The following SLC22A11 variants were observed in gnomAD, a reference collection of about 807,000 sequenced individuals.
The protein encoded by SLC22A11 is organic anion transporter 4.
Under a neutral mutation model 49.4 loss-of-function variants are expected in SLC22A11, and 42 were observed. The observed-to-expected ratio is 0.85, with a 90% CI of 0.66 to 1.10. SLC22A11 has a LOEUF of 1.10. SLC22A11 is among the 50% of genes least tolerant of loss of function. SLC22A11 has a pLI of 0.00. For missense variants in SLC22A11, 685 were observed against 731.6 expected, an observed-to-expected ratio of 0.94 and a Z score of 0.74; for synonymous variants, 304 against 315.8, an observed-to-expected ratio of 0.96 and a Z score of 0.40.
At position 64,564,717 on chromosome 11, in the gene SLC22A11, C is replaced by T. The variant is rs1326364144; in HGVS notation, c.942+289C>T. On this transcript the variant is annotated intron_variant, in intron 5 of 9. Coordinates refer to ENST00000301891, the MANE Select transcript of SLC22A11 (RefSeq NM_018484.4). This position sits in a 1 kb window ranked among gnomAD's most constrained non-coding sequence, Gnocchi z 4.2. ...GCACCACCAATACCATCACTAACCCCACAGCCACCATCTCTGCAAAACATC... is the reference window on the plus strand; with the variant it reads ...GCACCACCAATACCATCACTAACCCTACAGCCACCATCTCTGCAAAACATC... Among the ~76,000 whole-genome samples, 1 of 152,116 alleles carries T rather than the reference C, an allele frequency of 6.6e-6. No homozygotes were observed. Among genetic ancestry groups the T allele is most frequent in the African/African-American group, 2.4e-5 (1 of 41,418 alleles).
rs2038590958 is a variant in SLC22A11 at position 64,564,225 on chromosome 11, G to T, written c.822-83G>T. 1 of 1,549,080 alleles carries T rather than the reference G, an allele frequency of 6.5e-7. No individual in the cohort carries two copies. The highest frequency in any genetic ancestry group is 1.8e-5 in the Admixed American group (1 of 56,288). On this transcript the variant is annotated intron_variant, in intron 4 of 9. Coordinates refer to ENST00000301891, the MANE Select transcript of SLC22A11 (RefSeq NM_018484.4). The surrounding 1 kb of genome is among the most constrained non-coding windows in gnomAD (Gnocchi z 4.2). ...TCCTCATCACTCATCTCAGCTGGAG[G>T]GTCCGTGCCCACTGCCCCTTTCCAC...
Position 64,568,790 on chromosome 11 carries a change from T to G in SLC22A11, c.1382+12T>G. ...CCAACGCCAGTGCGGTAAGCTGGGC[T>G]GCAGGCCATGCCCCAGGGCCAGCAG... On this transcript the variant is annotated intron_variant, in intron 8 of 9. Coordinates refer to ENST00000301891, the MANE Select transcript of SLC22A11 (RefSeq NM_018484.4). The G allele has an allele frequency of 6.2e-7, 1 of 1,609,820 alleles. No individual in the cohort carries two copies. Among genetic ancestry groups the G allele is most frequent in the African/African-American group, 1.3e-5 (1 of 74,962 alleles).
In SLC22A11 at chr11:64,559,193, C is replaced by T; in HGVS notation, c.452C>T (p.Ser151Phe). Residue 151 changes from serine to phenylalanine, a missense_variant, in exon 2 of 10, where the codon TCC becomes TTC. Coordinates refer to ENST00000301891, the MANE Select transcript of SLC22A11 (RefSeq NM_018484.4). ...CCCCTAAGCCAGTCCATCTTCATGT[C>T]CGGGATCCTGGTGGGCTCCTTTATC... is the stretch of plus-strand genomic sequence containing the variant. ...LKPLSQSIFM[S>F]GILVGSFIWG... 1.2e-6 allele frequency: 2 copies of T among 1,612,424 alleles called. No individual in the cohort carries two copies. Among genetic ancestry groups the T allele is most frequent in the Non-Finnish European group, 1.7e-6 (2 of 1,178,926 alleles).
intron 1 of SLC22A11, among the ~76,000 whole-genome samples, chr11:64,557,122 G>A (rs1199734748): frequency 6.6e-6 from 1 of 152,154 alleles, no homozygotes; most frequent in African/African-American, 2.4e-5. Flanking sequence ...GCCACCCCTC[G>A]CCCTGCACCG....
chr11:64,569,646 C>G lies in SLC22A11; in HGVS notation c.1383-6C>G, dbSNP rs368432874. The stretch of plus-strand genomic sequence containing the variant: ...CAGGGATCTGGGCCCTCCCCTTCAC[C>G]CACAGGATGACAGCAGATGGCATTC... On this transcript the variant is annotated splice_polypyrimidine_tract_variant and splice_region_variant and intron_variant, in intron 8 of 9. Coordinates refer to ENST00000301891, the MANE Select transcript of SLC22A11 (RefSeq NM_018484.4). 3.3e-5 allele frequency: 54 copies of G among 1,612,016 alleles called. No homozygotes were observed. Among genetic ancestry groups the G allele is most frequent in the Non-Finnish European group, 4.2e-5 (49 of 1,178,720 alleles).
At chr11:64,569,230 G>A (rs753490739) in intron 8 of SLC22A11, among the ~76,000 whole-genome samples, 6 of 152,214 alleles carry the variant, frequency 3.9e-5, no homozygotes, top group Non-Finnish European at 5.9e-5. Context: ...GGCTCGGGGT[G>A]AAGGACTGGC....
chr11:64,567,797 C>T lies in SLC22A11; in HGVS notation c.1257C>T (p.Asn419=), dbSNP rs2038648869. The T allele has an allele frequency of 1.2e-6, 2 of 1,600,398 alleles. No individual in the cohort carries two copies. The highest frequency in any genetic ancestry group is 2.3e-5 in the East Asian group (1 of 44,372). The stretch of plus-strand genomic sequence containing the variant: ...TGGCCGGCCTCGCCATTCTAGCCAA[C>T]ATGCTGGTGCCGCAAGGTGAGGCAG... ...QAMAGLAILA[N]MLVPQDLQTL... is the part of the protein sequence containing the mutation. Residue 419 remains asparagine (N), a synonymous_variant, in exon 7 of 10, where the codon AAC becomes AAT. Coordinates refer to ENST00000301891, the MANE Select transcript of SLC22A11 (RefSeq NM_018484.4).
chr11:64,565,425 G>A lies in SLC22A11; in HGVS notation c.1058+88G>A, dbSNP rs267603101. ...CAGGCAGGAGGCAGAGCGTCCAGGG[G>A]AAACAGCACCCGCAGGCCTCAAGGG... On this transcript the variant is annotated intron_variant, in intron 6 of 9. Coordinates refer to ENST00000301891, the MANE Select transcript of SLC22A11 (RefSeq NM_018484.4). The surrounding 1 kb of genome is among the most constrained non-coding windows in gnomAD (Gnocchi z 4.1). 2 of 1,110,414 alleles carry A rather than the reference G, an allele frequency of 1.8e-6. No individual in the cohort carries two copies. The highest frequency in any genetic ancestry group is 1.3e-6 in the Non-Finnish European group (1 of 758,824). 68.8% of individuals were successfully genotyped at this position (1,110,414 alleles called of 1,614,324 possible).
Position 64,565,476 on chromosome 11 carries a change from G to A in SLC22A11, c.1058+139G>A, listed in dbSNP as rs1273205516. 1.1e-5 allele frequency: 8 copies of A among 727,194 alleles called. 1 individual carries two copies. Among genetic ancestry groups the A allele is most frequent in the South Asian group, 4.4e-5 (3 of 67,486 alleles). The allele number at this position is 727,194 out of a possible 1,614,324, so 45.0% of individuals were successfully genotyped here. A position where few individuals can be genotyped will look rare whatever the true frequency, so the allele number is the denominator to read the frequency against. Reference sequence around the variant, plus strand: ...GGTGCATTTCTGTCTGGGACAGGACGCAGACAGCCCCAGCAGGCAGGAGTC... The same window carrying A: ...GGTGCATTTCTGTCTGGGACAGGACACAGACAGCCCCAGCAGGCAGGAGTC... On this transcript the variant is annotated intron_variant, in intron 6 of 9. Coordinates refer to ENST00000301891, the MANE Select transcript of SLC22A11 (RefSeq NM_018484.4). The surrounding 1 kb of genome is among the most constrained non-coding windows in gnomAD (Gnocchi z 4.1).
intron 1 of SLC22A11, among the ~76,000 whole-genome samples, chr11:64,556,709 A>T (rs1166085257): frequency 1.3e-5 from 2 of 152,036 alleles, no homozygotes; most frequent in African/African-American, 4.8e-5. Context: ...TGCAGGGGGA[A>T]ATCAGGGGTA....
chr11:64,556,488 A>C (rs928490169), intron 1 of SLC22A11, 96 bp downstream of exon 1: 11 of 1,506,706 alleles, frequency 7.3e-6, no homozygotes, highest in South Asian at 2.5e-5. Context: ...CCTGGGAGGG[A>C]CCCGCCTCCT....
Position 64,565,338 on chromosome 11 carries a change from G to T in SLC22A11, c.1058+1G>T. ...GGAGCTGCGCCATGCTGGTGGTGAA[G>T]TACGCCGTCCTGGTGTCCCTCCCCA... On this transcript the variant is annotated splice_donor_variant, in intron 6 of 9. Coordinates refer to ENST00000301891, the MANE Select transcript of SLC22A11 (RefSeq NM_018484.4). LOFTEE classifies it high-confidence loss of function. This position sits in a 1 kb window ranked among gnomAD's most constrained non-coding sequence, Gnocchi z 4.1. 6.5e-7 allele frequency: 1 copy of T among 1,548,096 alleles called. No homozygotes were observed. The highest frequency in any genetic ancestry group is 8.7e-7 in the Non-Finnish European group (1 of 1,146,724).
At chr11:64,563,778 TGGTGGTGC>T (rs1161011539) in intron 4 of SLC22A11, among the ~76,000 whole-genome samples, 3 of 151,730 alleles carry the variant, frequency 2.0e-5, no homozygotes, top group Admixed American at 6.6e-5. Flanking sequence ...AAATTAGCCA[TGGTGGTGC>T]ACACCTGTAG....
chr11:64,561,939 C>G (rs982296133), intron 2 of SLC22A11, 65 bp from the exon 3 acceptor site: 1 of 1,538,786 alleles, frequency 6.5e-7, no homozygotes, highest in Non-Finnish European at 8.8e-7. Context: ...AGGCAAGTAC[C>G]TGCCCACATA....
intron 2 of SLC22A11, 60 bp downstream of exon 2, chr11:64,559,298 G>A (rs1271744289): frequency 2.3e-6 from 3 of 1,305,448 alleles, no homozygotes; most frequent in East Asian, 2.7e-5. Context: ...AAGACTATGG[G>A]GCAGAAGGTT....
intron 2 of SLC22A11, among the ~76,000 whole-genome samples, chr11:64,560,181 C>T (rs1591372888): frequency 6.6e-6 from 1 of 151,970 alleles, no homozygotes; most frequent in Non-Finnish European, 1.5e-5. Context: ...ACTCACCTGG[C>T]TCTTCCTCCA....
chr11:64,559,068 C>A, intron 1 of SLC22A11, 67 bp from the exon 2 acceptor site: 1 of 1,408,074 alleles, frequency 7.1e-7, no homozygotes, highest in Non-Finnish European at 1.0e-6. Context: ...GTCAGGCGTT[C>A]CTCGGCCGTG....
rs2038603758 is a variant in SLC22A11 at position 64,565,049 on chromosome 11, A to G, written c.943-173A>G. 2.6e-5 allele frequency among the ~76,000 whole-genome samples: 4 copies of G among 152,174 alleles called. No individual in the cohort carries two copies. The South Asian group carries it at 8.3e-4, about 32-fold the overall frequency. The stretch of plus-strand genomic sequence containing the variant: ...AACCTGCAGAAGAGCCAGGGCCTGG[A>G]GAGAACCTTTTCTGCCCCATCCCCT... On this transcript the variant is annotated intron_variant, in intron 5 of 9. Transcript: ENST00000301891. This position sits in a 1 kb window ranked among gnomAD's most constrained non-coding sequence, Gnocchi z 4.1.
chr11:64,559,183 A>G lies in SLC22A11; in HGVS notation c.442A>G (p.Ile148Val). Residue 148 changes from isoleucine to valine, a missense_variant, in exon 2 of 10, where the codon ATC (isoleucine) becomes GTC (valine). By Grantham distance (29) the Ile-to-Val change is conservative. Coordinates refer to ENST00000301891, the MANE Select transcript of SLC22A11 (RefSeq NM_018484.4). ...GGGCTTGAAGCCCCTAAGCCAGTCC[A>G]TCTTCATGTCCGGGATCCTGGTGGG... Reference protein sequence around the residue: ...SQGLKPLSQSIFMSGILVGSF... With the variant: ...SQGLKPLSQSVFMSGILVGSF... 6.2e-7 allele frequency: 1 copy of G among 1,612,788 alleles called. No homozygotes were observed. The highest frequency in any genetic ancestry group is 8.5e-7 in the Non-Finnish European group (1 of 1,179,244).
Sources: allele counts gnomAD v4.1 joint callset (sites outside exome capture counted in the v4.1 genomes callset), GRCh38; gene constraint gnomAD v4.1.1; non-coding constraint Gnocchi (gnomAD v3.1); transcripts MANE v1.5; gene names NCBI Gene and HGNC (gene_info 2026-07-23, HGNC 2026-07-21).